PIK3CB: variants seen among roughly 807,000 people sequenced by gnomAD.
The protein encoded by PIK3CB is phosphatidylinositol-4,5-bisphosphate 3-kinase catalytic subunit beta.
PIK3CB carries 39 observed loss-of-function variants against 136.8 expected under a neutral mutation model. That is an observed-to-expected ratio of 0.29 (90% CI 0.22 to 0.37). The LOEUF (loss-of-function observed/expected upper bound fraction) is 0.37. PIK3CB is among the 10% of genes least tolerant of loss of function. The probability of loss-of-function intolerance (pLI) is 1.00; values close to 1 mark genes in which losing one functional copy is unlikely to be tolerated. For missense variants in PIK3CB, 868 were observed against 1,275.4 expected (o/e 0.68, Z 4.87); for synonymous variants, 428 against 436.6 (o/e 0.98, Z 0.25).
chr3:138,771,480 A>G (rs911583646), intron 2 of PIK3CB, among the ~76,000 whole-genome samples: 1 of 152,122 alleles, frequency 6.6e-6, no homozygotes, highest in African/African-American at 2.4e-5. Flanking sequence ...GGCCTCCCAA[A>G]GTGCTGGGAT....
chr3:138,737,394 CAAAAAAAAAAAAAAAAAA>C (rs11344311), intron 6 of PIK3CB, among the ~76,000 whole-genome samples: 769 of 39,126 alleles, frequency 0.02, 31 homozygotes, highest in African/African-American at 0.078. Flanking sequence ...CACTCTGTCT[CAAAAAAAAAAAAAAAAAA>C]AAAAAAAAAA....
chr3:138,796,745 T>C (rs963632198), intron 1 of PIK3CB, 178 bp from the exon 2 acceptor site: 28 of 152,288 alleles, frequency 1.8e-4, no homozygotes, highest in African/African-American at 6.7e-4. Context: ...TCTTATTGGA[T>C]TGGCTTTTTC....
chr3:138,737,650 T>C (rs2045140694), intron 6 of PIK3CB, 57 bp downstream of exon 6: 2 of 505,888 alleles, frequency 4.0e-6, no homozygotes, highest in African/African-American at 2.1e-5. Flanking sequence ...ATAAAATATA[T>C]ATATATATAT....
At chr3:138,656,071 A>C in intron 23 of PIK3CB, 71 bp downstream of exon 23, 1 of 1,501,684 alleles carries the variant, frequency 6.7e-7, no homozygotes, top group East Asian at 2.3e-5. Flanking sequence ...CAGCCACTTG[A>C]ATAAAACAGG....
Position 138,653,590 on chromosome 3 carries a change from C to T in PIK3CB, c.*1799G>A, listed in dbSNP as rs113717258. 836 of 185,106 alleles carry T rather than the reference C, an allele frequency of 4.5e-3. 4 individuals carry two copies. The highest frequency in any genetic ancestry group is 8.0e-3 in the South Asian group (41 of 5,104). The allele number at this position is 185,106 out of a possible 1,614,324, so 11.5% of individuals were successfully genotyped here. A position where few individuals can be genotyped will look rare whatever the true frequency, so the allele number is the denominator to read the frequency against. Reference sequence around the variant, plus strand: ...TACTAGACAAAGATCTCTGAACAAACCTGTCCTTCCATAGTTCTATTCCTG... The same window carrying T: ...TACTAGACAAAGATCTCTGAACAAATCTGTCCTTCCATAGTTCTATTCCTG... On this transcript the variant is annotated 3_prime_UTR_variant, in exon 24 of 24. Coordinates refer to ENST00000674063, the MANE Select transcript of PIK3CB (RefSeq NM_006219.3).
chr3:138,764,018 G>T, intron 2 of PIK3CB, among the ~76,000 whole-genome samples: 1 of 151,918 alleles, frequency 6.6e-6, no homozygotes, highest in East Asian at 1.9e-4. Context: ...GGCTGGGGCA[G>T]GAGAATCGCT....
intron 2 of PIK3CB, among the ~76,000 whole-genome samples, chr3:138,775,524 T>A (rs1397570420): frequency 6.6e-6 from 1 of 152,052 alleles, no homozygotes; most frequent in African/African-American, 2.4e-5. Flanking sequence ...GAGGATGGAA[T>A]ACTGGAAAAG....
chr3:138,691,355 A>C (rs987946357), intron 14 of PIK3CB, among the ~76,000 whole-genome samples: 2 of 152,232 alleles, frequency 1.3e-5, no homozygotes, highest in African/African-American at 4.8e-5. Flanking sequence ...AGGGTCAAAG[A>C]ACAGATACTA....
intron 8 of PIK3CB, among the ~76,000 whole-genome samples, chr3:138,730,370 G>A (rs890829107): frequency 1.3e-5 from 2 of 152,008 alleles, no homozygotes; most frequent in Admixed American, 6.6e-5. Context: ...ACGAATGAAG[G>A]CTTCTTGGAT....
intron 2 of PIK3CB, among the ~76,000 whole-genome samples, chr3:138,786,473 T>C (rs147201670): frequency 1.3e-5 from 2 of 151,934 alleles, no homozygotes; most frequent in African/African-American, 2.4e-5. Context: ...GCCTCCTGAG[T>C]AGCTGGGATT....
At chr3:138,798,031 AAC>A (rs2046127705) in intron 1 of PIK3CB, among the ~76,000 whole-genome samples, 1 of 152,204 alleles carries the variant, frequency 6.6e-6, no homozygotes, top group South Asian at 2.1e-4. Context: ...TTAAGTGAAA[AAC>A]ACACTGTGCA....
At chr3:138,718,164 T>G (rs2044651054) in intron 8 of PIK3CB, among the ~76,000 whole-genome samples, 1 of 152,162 alleles carries the variant, frequency 6.6e-6, no homozygotes, top group African/African-American at 2.4e-5. Context: ...AGTGTGTATG[T>G]GTTCTCCACA....
intron 21 of PIK3CB, among the ~76,000 whole-genome samples, chr3:138,660,902 T>A (rs2043284265): frequency 6.6e-6 from 1 of 152,216 alleles, no homozygotes. Flanking sequence ...GAATGAAAAT[T>A]CTATGTACAT....
intron 1 of PIK3CB, chr3:138,825,285 C>A: frequency 2.1e-6 from 1 of 472,742 alleles, no homozygotes; most frequent in South Asian, 3.2e-5. Context: ...CTGTGCTGTT[C>A]TGATTGTTGC....
intron 1 of PIK3CB, among the ~76,000 whole-genome samples, chr3:138,814,436 C>T (rs1332829372): frequency 6.6e-6 from 1 of 150,732 alleles, no homozygotes; most frequent in East Asian, 2.0e-4. Context: ...TGAGGTCACA[C>T]CACTGCACTC....
intron 1 of PIK3CB, among the ~76,000 whole-genome samples, chr3:138,824,726 C>T (rs1328206201): frequency 6.6e-6 from 1 of 151,384 alleles, no homozygotes. Context: ...AGGAGATATA[C>T]ATTCTCGGGG....
At position 138,817,110 on chromosome 3, in the gene PIK3CB, G is replaced by A. The variant is rs573116090; in HGVS notation, c.-122+17585C>T. On this transcript the variant is annotated intron_variant, in intron 1 of 23. Coordinates refer to ENST00000674063, the MANE Select transcript of PIK3CB (RefSeq NM_006219.3). ...TCCCAGCACTTTGGGAGGCCGAGGC[G>A]GGCGGATCACGAGGTCTGGAGATCG... is the stretch of plus-strand genomic sequence containing the variant. Among the ~76,000 whole-genome samples the A allele has an allele frequency of 3.9e-3, 589 of 151,708 alleles. 3 individuals are homozygous for A. The highest frequency in any genetic ancestry group is 6.8e-3 in the Non-Finnish European group (459 of 67,908).
At chr3:138,778,044 T>C (rs753334619) in intron 2 of PIK3CB, 2 of 369,310 alleles carry the variant, frequency 5.4e-6, no homozygotes, top group Non-Finnish European at 1.1e-5. Context: ...GAAAATACCA[T>C]AACCATTTTC....
intron 8 of PIK3CB, among the ~76,000 whole-genome samples, chr3:138,727,869 T>A (rs1235557317): frequency 6.6e-6 from 1 of 152,200 alleles, no homozygotes; most frequent in Non-Finnish European, 1.5e-5. Flanking sequence ...TTTGTTTTGT[T>A]TTTTTGAGAT....
Sources: allele counts gnomAD v4.1 joint callset (sites outside exome capture counted in the v4.1 genomes callset), GRCh38; gene constraint gnomAD v4.1.1; transcripts MANE v1.5; gene names NCBI Gene and HGNC (gene_info 2026-07-23, HGNC 2026-07-21).